The following COG5 variants were observed in gnomAD, a reference collection of about 807,000 sequenced individuals.
The protein encoded by COG5 is component of oligomeric golgi complex 5, also known as conserved oligomeric Golgi complex subunit 5.
Under a neutral mutation model 110.4 loss-of-function variants are expected in COG5, and 86 were observed. The observed-to-expected ratio is 0.78, with a 90% CI of 0.65 to 0.93. COG5 has a LOEUF of 0.93. COG5 is among the 40% of genes least tolerant of loss of function. The pLI is 0.00. For synonymous variants in COG5, 360 were observed against 334.6 expected (o/e 1.08, Z -0.83); for missense variants, 1,077 against 987.0 (o/e 1.09, Z -1.22).
chr7:107,297,443 CTTTTTTT>C (rs71314693), intron 12 of COG5, among the ~76,000 whole-genome samples: 7 of 77,986 alleles, frequency 9.0e-5, no homozygotes, highest in Admixed American at 8.4e-4. Context: ...TACATTCTGC[CTTTTTTT>C]TTTTTTTTTT....
At chr7:107,441,245 G>T (rs1399391820) in intron 6 of COG5, among the ~76,000 whole-genome samples, 2 of 110,424 alleles carry the variant, frequency 1.8e-5, no homozygotes, top group African/African-American at 3.9e-5. Context: ...AACAGAGTGA[G>T]ACTCCGTCTC....
At chr7:107,349,713 A>G (rs1398036099) in intron 10 of COG5, among the ~76,000 whole-genome samples, 1 of 152,036 alleles carries the variant, frequency 6.6e-6, no homozygotes, top group Middle Eastern at 3.4e-3. Context: ...GCCGGCCACC[A>G]CGCCCGGCTA....
At position 107,475,256 on chromosome 7, in the gene COG5, C is replaced by T. The variant is rs751444132; in HGVS notation, c.538+51981G>A. ...GAAGCTGATCCCCTGCCTAATAATG[C>T]TGTAATACACAACTCTTGGATAGAT... On this transcript the variant is annotated intron_variant, in intron 6 of 21. Coordinates refer to ENST00000297135, the MANE Select transcript of COG5 (RefSeq NM_006348.5). 28 of 1,600,560 alleles carry T rather than the reference C, an allele frequency of 1.7e-5. No homozygotes were observed. The highest frequency in any genetic ancestry group is 2.1e-5 in the Non-Finnish European group (24 of 1,168,442).
intron 11 of COG5, among the ~76,000 whole-genome samples, chr7:107,300,607 T>C (rs1317124526): frequency 6.6e-6 from 1 of 152,070 alleles, no homozygotes; most frequent in Non-Finnish European, 1.5e-5. Context: ...TACATAGATA[T>C]ATCTGACAAA....
intron 10 of COG5, among the ~76,000 whole-genome samples, chr7:107,355,295 ACT>A (rs1278005484): frequency 7.9e-5 from 12 of 152,136 alleles, no homozygotes; most frequent in Non-Finnish European, 2.9e-5. Context: ...AACAAAAGTA[ACT>A]CTCTTTCTTT....
chr7:107,205,950 A>G (rs560083818), intron 21 of COG5, among the ~76,000 whole-genome samples: 38 of 148,074 alleles, frequency 2.6e-4, no homozygotes, highest in African/African-American at 8.8e-4. Context: ...GAAGAAGTGT[A>G]GCTGTTTTTT....
chr7:107,413,005 T>A (rs183433252), intron 6 of COG5, among the ~76,000 whole-genome samples: 4 of 151,998 alleles, frequency 2.6e-5, no homozygotes, highest in African/African-American at 9.7e-5. Flanking sequence ...GCTGCTGCTG[T>A]TGTTTTTTTT....
intron 19 of COG5, among the ~76,000 whole-genome samples, chr7:107,221,870 T>G (rs1180935219): frequency 6.6e-6 from 1 of 152,202 alleles, no homozygotes; most frequent in Non-Finnish European, 1.5e-5. Context: ...TCTCTTATCT[T>G]TGGCTTCATG....
chr7:107,439,857 A>G (rs892289676), intron 6 of COG5, among the ~76,000 whole-genome samples: 11 of 152,176 alleles, frequency 7.2e-5, no homozygotes, highest in African/African-American at 2.7e-4. Context: ...AAGGAGAAGG[A>G]GAGAAGGACT....
intron 11 of COG5, among the ~76,000 whole-genome samples, chr7:107,321,396 A>C (rs1425419351): frequency 1.3e-5 from 2 of 152,190 alleles, no homozygotes; most frequent in Non-Finnish European, 2.9e-5. Flanking sequence ...ATTGATCTGT[A>C]GATTCAATGC....
intron 6 of COG5, among the ~76,000 whole-genome samples, chr7:107,487,160 T>C (rs1797702970): frequency 6.6e-6 from 1 of 152,114 alleles, no homozygotes; most frequent in Non-Finnish European, 1.5e-5. Context: ...ACAACCTATG[T>C]AGTAAAGCAA....
In COG5 at chr7:107,554,315, C is replaced by T; in HGVS notation, c.262G>A (p.Ala88Thr). 1 of 1,613,936 alleles carries T rather than the reference C, an allele frequency of 6.2e-7. No individual in the cohort carries two copies. The highest frequency in any genetic ancestry group is 8.5e-7 in the Non-Finnish European group (1 of 1,179,894). Residue 88 changes from alanine (A) to threonine (T), a missense_variant, in exon 3 of 22, where the codon GCA becomes ACA. Coordinates refer to ENST00000297135, the MANE Select transcript of COG5 (RefSeq NM_006348.5). ...AACGACTCAATCCCAGTTGCTTGTG[C>T]CAGTAAATCTTCATGTCTTGCAACA... is the stretch of plus-strand genomic sequence containing the variant. ...QVVARHEDLLAQATGIESLEG... is the reference protein window; with the variant it reads ...QVVARHEDLLTQATGIESLEG...
At chr7:107,330,611 T>G (rs1020720934) in intron 10 of COG5, among the ~76,000 whole-genome samples, 1 of 152,180 alleles carries the variant, frequency 6.6e-6, no homozygotes, top group African/African-American at 2.4e-5. Context: ...CAAATTTTCA[T>G]GCTAACTTTA....
intron 6 of COG5, among the ~76,000 whole-genome samples, chr7:107,499,857 C>T (rs1798526197): frequency 6.6e-6 from 1 of 152,144 alleles, no homozygotes; most frequent in African/African-American, 2.4e-5. Flanking sequence ...TTTGCATCTA[C>T]ATTTTTTTTC....
At chr7:107,334,875 T>G (rs1416619566) in intron 10 of COG5, among the ~76,000 whole-genome samples, 1 of 152,016 alleles carries the variant, frequency 6.6e-6, no homozygotes, top group African/African-American at 2.4e-5. Flanking sequence ...ACCAGAATAC[T>G]CTAATACTGT....
At chr7:107,428,852 G>C (rs1487577738) in intron 6 of COG5, among the ~76,000 whole-genome samples, 1 of 152,164 alleles carries the variant, frequency 6.6e-6, no homozygotes, top group Non-Finnish European at 1.5e-5. Flanking sequence ...CGTATTACTA[G>C]CAAGTTCTCA....
intron 10 of COG5, among the ~76,000 whole-genome samples, chr7:107,334,191 T>C (rs1203193831): frequency 6.6e-6 from 1 of 152,168 alleles, no homozygotes; most frequent in Admixed American, 6.5e-5. Context: ...AAATGTGGTA[T>C]ATCCACACTA....
chr7:107,225,187 G>A (rs777322915), intron 19 of COG5, among the ~76,000 whole-genome samples: 4 of 152,184 alleles, frequency 2.6e-5, no homozygotes, highest in Non-Finnish European at 4.4e-5. Flanking sequence ...AATTGGAACT[G>A]AGGCCCTCTG....
intron 12 of COG5, among the ~76,000 whole-genome samples, chr7:107,295,091 ATATATATATATTTTTT>A (rs1250298288): frequency 4.0e-5 from 3 of 74,686 alleles, no homozygotes; most frequent in Non-Finnish European, 7.7e-5. Flanking sequence ...ATATATATAT[ATATATATATATTTTTT>A]TTTTTTTTTT....
Sources: gnomAD v4.1 joint callset for allele counts (sites outside exome capture counted in the v4.1 genomes callset) on GRCh38, gnomAD v4.1.1 for gene constraint, MANE v1.5 for transcripts, NCBI Gene and HGNC (gene_info 2026-07-23, HGNC 2026-07-21) for gene names.